The following COL19A1 variants were observed in gnomAD, a reference collection of about 807,000 sequenced individuals.
COL19A1 encodes the protein collagen alpha-1(XIX) chain.
A neutral mutation model predicts 190.2 loss-of-function variants in COL19A1; 159 were observed. That is an observed-to-expected ratio of 0.84 (90% CI 0.73 to 0.95). The LOEUF is 0.95. COL19A1 is among the 40% of genes least tolerant of loss of function. COL19A1 has a pLI of 0.00. For synonymous variants in COL19A1, 509 were observed against 458.9 expected (o/e 1.11, Z -1.39); for missense variants, 1,418 against 1,431.9 (o/e 0.99, Z 0.16).
intron 14 of COL19A1, among the ~76,000 whole-genome samples, chr6:70,039,929 ATT>A (rs35411164): frequency 0.1 from 15,058 of 148,474 alleles, 810 homozygotes; most frequent in Middle Eastern, 0.13. Context: ...TGCCCAGCTA[ATT>A]TTTTTTTTTT....
At chr6:70,164,488 A>G (rs1484218181) in intron 36 of COL19A1, among the ~76,000 whole-genome samples, 1 of 152,148 alleles carries the variant, frequency 6.6e-6, no homozygotes, top group Non-Finnish European at 1.5e-5. Flanking sequence ...GAAGGAAACA[A>G]TGACTTTATT....
intron 14 of COL19A1, among the ~76,000 whole-genome samples, chr6:70,059,504 T>A (rs1439577009): frequency 6.6e-6 from 1 of 152,204 alleles, no homozygotes; most frequent in Non-Finnish European, 1.5e-5. Flanking sequence ...GCTTCCATGA[T>A]GATAAGCTCT....
chr6:70,000,306 G>GT (rs764101235), intron 11 of COL19A1, among the ~76,000 whole-genome samples: 9 of 152,180 alleles, frequency 5.9e-5, no homozygotes, highest in Non-Finnish European at 1.2e-4. Flanking sequence ...CTTTGCTACT[G>GT]TAAGTAGTGC....
chr6:70,125,589 A>T (rs1320063940), intron 17 of COL19A1, among the ~76,000 whole-genome samples: 1 of 152,152 alleles, frequency 6.6e-6, no homozygotes, highest in African/African-American at 2.4e-5. Flanking sequence ...AGAAGGAAAA[A>T]AAAAGCAAAT....
At chr6:69,946,176 A>G (rs1773783460) in intron 9 of COL19A1, among the ~76,000 whole-genome samples, 3 of 151,856 alleles carry the variant, frequency 2.0e-5, no homozygotes, top group Admixed American at 6.6e-5. Context: ...ACTCATTTAA[A>G]CTCATTTATC....
chr6:70,141,892 G>T lies in COL19A1; in HGVS notation c.1483-1G>T, dbSNP rs1224136657. ...CCTTATAGTAATTATTTTATTTACA[G>T]GGAGAACCTGGGGTAATAGGATCAC... On this transcript the variant is annotated splice_acceptor_variant, in intron 20 of 50. Transcript: ENST00000620364. LOFTEE classifies it high-confidence loss of function. 1 of 1,579,000 alleles carries T rather than the reference G, an allele frequency of 6.3e-7. No homozygotes were observed.
intron 49 of COL19A1, among the ~76,000 whole-genome samples, chr6:70,202,003 G>GT (rs1469450409): frequency 2.8e-4 from 43 of 151,974 alleles, no homozygotes; most frequent in South Asian, 2.3e-3. Context: ...CAATTTAAGT[G>GT]TTTTTTTCCA....
rs1041675284 is a variant in COL19A1 at position 70,208,152 on chromosome 6, T to G, written c.*878T>G. 2 of 152,212 alleles carry G rather than the reference T, an allele frequency of 1.3e-5. No homozygotes were observed. Among genetic ancestry groups the G allele is most frequent in the African/African-American group, 4.8e-5 (2 of 41,458 alleles). 9.4% of individuals were successfully genotyped at this position (152,212 alleles called of 1,614,324 possible). A position where few individuals can be genotyped will look rare whatever the true frequency, so the allele number is the denominator to read the frequency against. On this transcript the variant is annotated 3_prime_UTR_variant, in exon 51 of 51. Coordinates refer to ENST00000620364, the MANE Select transcript of COL19A1 (RefSeq NM_001858.6). Reference sequence around the variant, plus strand: ...AGCCACCAAGCTGTCTTTGGTACTCTTAAAGCTTCAGTGGCCTAGCAAGAT... The same window carrying G: ...AGCCACCAAGCTGTCTTTGGTACTCGTAAAGCTTCAGTGGCCTAGCAAGAT...
chr6:70,175,685 T>G (rs1423680284), intron 41 of COL19A1, among the ~76,000 whole-genome samples: 1 of 152,134 alleles, frequency 6.6e-6, no homozygotes, highest in African/African-American at 2.4e-5. Context: ...ATTATTATTC[T>G]TTTAATTTTT....
intron 39 of COL19A1, 108 bp from the exon 40 acceptor site, chr6:70,168,547 C>A: frequency 1.1e-6 from 1 of 938,894 alleles, no homozygotes; most frequent in Non-Finnish European, 1.6e-6. Flanking sequence ...TAAAGCAAAA[C>A]TTGCTAATAT....
At chr6:70,039,429 C>G (rs1051872398) in intron 14 of COL19A1, among the ~76,000 whole-genome samples, 1 of 152,158 alleles carries the variant, frequency 6.6e-6, no homozygotes, top group African/African-American at 2.4e-5. Flanking sequence ...CTGATTACTT[C>G]ATTATAGAGG....
intron 16 of COL19A1, among the ~76,000 whole-genome samples, chr6:70,107,758 T>G (rs910173529): frequency 7.9e-5 from 12 of 152,212 alleles, no homozygotes; most frequent in Admixed American, 7.9e-4. Flanking sequence ...TTATTCCCAA[T>G]TAGGTAACAA....
intron 49 of COL19A1, among the ~76,000 whole-genome samples, chr6:70,201,062 A>C (rs1483682634): frequency 6.6e-6 from 1 of 152,208 alleles, no homozygotes. Context: ...GTCTATTCTG[A>C]AGTCAGAGTA....
Position 70,121,952 on chromosome 6 carries a change from C to CT in COL19A1, c.1341+16dup. On this transcript the variant is annotated intron_variant, in intron 17 of 50. Transcript: ENST00000620364. ...TAACAAGGATAACAAGGTATGGCTTCTTTTTTCCCATAATTTATAATACAT... is the reference window on the plus strand; with the variant it reads ...TAACAAGGATAACAAGGTATGGCTTCTTTTTTTCCCATAATTTATAATACAT... 3 of 1,526,538 alleles carry CT rather than the reference C, an allele frequency of 2.0e-6. No individual in the cohort carries two copies. The highest frequency in any genetic ancestry group is 2.7e-6 in the Non-Finnish European group (3 of 1,131,164). The allele number at this position is 1,526,538 out of a possible 1,614,324, so 94.6% of individuals were successfully genotyped here.
intron 10 of COL19A1, among the ~76,000 whole-genome samples, chr6:69,961,843 T>C (rs1374669095): frequency 6.6e-6 from 1 of 152,186 alleles, no homozygotes; most frequent in African/African-American, 2.4e-5. Context: ...ACTAAATATG[T>C]ATGTATACAT....
intron 10 of COL19A1, 103 bp from the exon 11 acceptor site, chr6:69,962,723 A>G (rs1774874309): frequency 4.3e-6 from 3 of 701,216 alleles, no homozygotes; most frequent in Admixed American, 3.1e-5. Context: ...GTTATTTACA[A>G]TTACTGATTT....
intron 4 of COL19A1, among the ~76,000 whole-genome samples, chr6:69,919,918 T>A (rs1771581588): frequency 6.6e-6 from 1 of 152,062 alleles, no homozygotes; most frequent in Non-Finnish European, 1.5e-5. Flanking sequence ...AAAAATAATA[T>A]TTGTTAGTGC....
chr6:70,201,621 G>T (rs981031216), intron 49 of COL19A1, among the ~76,000 whole-genome samples: 1 of 152,186 alleles, frequency 6.6e-6, no homozygotes, highest in East Asian at 1.9e-4. Flanking sequence ...GACATATCTT[G>T]ACTACAACTT....
At chr6:70,155,614 C>T (rs1306260066) in intron 31 of COL19A1, among the ~76,000 whole-genome samples, 2 of 152,104 alleles carry the variant, frequency 1.3e-5, no homozygotes, top group Non-Finnish European at 2.9e-5. Flanking sequence ...TCGAGTGCCT[C>T]CACTGACAAA....
Sources: gnomAD v4.1 joint callset for allele counts (sites outside exome capture counted in the v4.1 genomes callset) on GRCh38, gnomAD v4.1.1 for gene constraint, MANE v1.5 for transcripts, NCBI Gene and HGNC (gene_info 2026-07-23, HGNC 2026-07-21) for gene names.